EFCAB8: variants seen among roughly 807,000 people sequenced by gnomAD.
The protein encoded by EFCAB8 is EF-hand calcium-binding domain-containing protein 8.
A neutral mutation model predicts 116.3 loss-of-function variants in EFCAB8; 100 were observed. That is an observed-to-expected ratio of 0.86 (90% CI 0.73 to 1.02). The LOEUF (loss-of-function observed/expected upper bound fraction) is 1.02. Ranked by LOEUF, EFCAB8 falls within the 50% of genes least tolerant of loss-of-function variation. EFCAB8 has a pLI of 0.00. For synonymous variants in EFCAB8, 558 were observed against 567.9 expected (o/e 0.98, Z 0.25); for missense variants, 1,320 against 1,416.9 (o/e 0.93, Z 1.10).
In EFCAB8 at chr20:32,911,592, C is replaced by A. The variant is rs371107846; in HGVS notation, c.1670C>A (p.Ala557Asp). The change falls in exon 16 of 27, where the codon GCC becomes GAC. Residue 557 changes from alanine to aspartate, a missense_variant. Transcript: ENST00000400522. ...GGQHVEMTAMALDESERCLLT... is the reference protein window; with the variant it reads ...GGQHVEMTAMDLDESERCLLT... ...CAGCACGTGGAGATGACCGCCATGG[C>A]CCTGGATGAGTCAGAGCGGTGCCTG... 11 of 1,550,840 alleles carry A rather than the reference C, an allele frequency of 7.1e-6. No homozygotes were observed. The African/African-American group carries it at 9.6e-5, about 13-fold the overall frequency.
intron 3 of EFCAB8, among the ~76,000 whole-genome samples, chr20:32,870,358 A>G (rs1184842429): frequency 6.6e-6 from 1 of 152,232 alleles, no homozygotes; most frequent in Non-Finnish European, 1.5e-5. Context: ...ACAGTTCAAT[A>G]TATCCAAACG....
At chr20:32,875,054 C>T (rs1254033836) in intron 3 of EFCAB8, among the ~76,000 whole-genome samples, 6 of 152,092 alleles carry the variant, frequency 3.9e-5, no homozygotes, top group Non-Finnish European at 8.8e-5. Flanking sequence ...TGGCCTGGTT[C>T]TCCTTTTCTT....
rs916565135 is a variant in EFCAB8, at chr20:32,893,278, T to C, written c.863T>C (p.Leu288Pro). The change falls in exon 9 of 27, where the codon CTC becomes CCC. Residue 288 changes from leucine to proline, a missense_variant. Coordinates refer to ENST00000400522, the MANE Select transcript of EFCAB8 (RefSeq NM_001143967.2). ...AGTGGGCTGTTCAACCCCCGTATCCTCCCCAGGGCCTCCAAGTGGGGTAGC... is the reference window on the plus strand; with the variant it reads ...AGTGGGCTGTTCAACCCCCGTATCCCCCCCAGGGCCTCCAAGTGGGGTAGC... ...MTSGLFNPRI[L>P]PRASKWDHWI... 2.6e-6 allele frequency: 4 copies of C among 1,551,756 alleles called. No homozygotes were observed. The highest frequency in any genetic ancestry group is 3.5e-6 in the Non-Finnish European group (4 of 1,146,984).
intron 11 of EFCAB8, among the ~76,000 whole-genome samples, chr20:32,901,235 A>G (rs951662769): frequency 6.6e-5 from 10 of 152,352 alleles, no homozygotes; most frequent in African/African-American, 2.2e-4. Context: ...GGGGTGTCCA[A>G]TCTTTTGGCT....
In EFCAB8 at chr20:32,930,420, C is replaced by T; in HGVS notation, c.2435C>T (p.Pro812Leu). 1 of 1,551,348 alleles carries T rather than the reference C, an allele frequency of 6.4e-7. No homozygotes were observed. Residue 812 changes from proline to leucine, a missense_variant, in exon 21 of 27, where the codon CCT becomes CTT. Pro to Leu is a moderately conservative substitution (Grantham distance 98). Transcript: ENST00000400522. ...VEKIIFLQTR[P>L]RLPHTAALLS... Reference sequence around the variant, plus strand: ...CAGATAATCTTCCTGCAGACCAGGCCTCGCCTGCCGCACACGGCTGCCCTG... The same window carrying T: ...CAGATAATCTTCCTGCAGACCAGGCTTCGCCTGCCGCACACGGCTGCCCTG...
Position 32,918,491 on chromosome 20 carries a change from A to C in EFCAB8, c.2191A>C (p.Asn731His), listed in dbSNP as rs1299473997. ...SLSPESVANT[N>H]LRRSLVSAPP... ...CAGCCCCGAGTCTGTGGCCAATACC[A>C]ACCTGAGGCGGAGCCTGGTGTCGGC... Residue 731 changes from asparagine to histidine, a missense_variant, in exon 19 of 27, where the codon AAC becomes CAC. Transcript: ENST00000400522. 1.3e-6 allele frequency: 2 copies of C among 1,551,714 alleles called. No individual in the cohort carries two copies. The highest frequency in any genetic ancestry group is 4.9e-5 in the East Asian group (2 of 40,910).
At chr20:32,908,183 G>T (rs1246183676) in intron 13 of EFCAB8, 92 bp from the exon 14 acceptor site, 8 of 1,182,350 alleles carry the variant, frequency 6.8e-6, no homozygotes, top group South Asian at 4.4e-5. Flanking sequence ...ATGTGCCCTG[G>T]CCTTGTTCGC....
intron 20 of EFCAB8, among the ~76,000 whole-genome samples, chr20:32,921,153 G>A (rs572455201): frequency 6.6e-6 from 1 of 152,074 alleles, no homozygotes; most frequent in East Asian, 1.9e-4. Context: ...GGGAGGGAGA[G>A]CAGGAGTGGC....
intron 3 of EFCAB8, among the ~76,000 whole-genome samples, 192 bp downstream of exon 3, chr20:32,867,939 C>T (rs1388246357): frequency 1.3e-5 from 2 of 152,006 alleles, no homozygotes; most frequent in African/African-American, 4.8e-5. Flanking sequence ...CATGCTCAAG[C>T]GATCCTCCTG....
rs1328157409 is a variant in EFCAB8 at position 32,896,448 on chromosome 20, T to C, written c.884-6T>C. ...TGATGTGGACCTTGGTTTTTTCCCC[T>C]ATCAGATCACTGGATCAAAGTTTCC... On this transcript the variant is annotated splice_polypyrimidine_tract_variant and splice_region_variant and intron_variant, in intron 9 of 26. Transcript: ENST00000400522. 1 of 718,888 alleles carries C rather than the reference T, an allele frequency of 1.4e-6. No individual in the cohort carries two copies. Among genetic ancestry groups the C allele is most frequent in the East Asian group, 2.7e-5 (1 of 37,298 alleles). 44.5% of individuals were successfully genotyped at this position (718,888 alleles called of 1,614,324 possible). A position where few individuals can be genotyped will look rare whatever the true frequency, so the allele number is the denominator to read the frequency against.
At chr20:32,864,813 A>G (rs964835609) in intron 2 of EFCAB8, among the ~76,000 whole-genome samples, 6 of 152,206 alleles carry the variant, frequency 3.9e-5, no homozygotes, top group African/African-American at 1.4e-4. Flanking sequence ...AAGTTAAGTT[A>G]AACATGCCTT....
chr20:32,899,720 A>G (rs1053692229), intron 11 of EFCAB8, among the ~76,000 whole-genome samples: 14 of 151,994 alleles, frequency 9.2e-5, no homozygotes, highest in African/African-American at 3.4e-4. Context: ...GATTACAGGC[A>G]CGCACCACCA....
chr20:32,889,699 G>A (rs1295798606), intron 7 of EFCAB8, among the ~76,000 whole-genome samples: 1 of 152,070 alleles, frequency 6.6e-6, no homozygotes, highest in Admixed American at 6.6e-5. Flanking sequence ...CCCCTTCACT[G>A]TCACTTAAAT....
chr20:32,953,486 C>T (rs985609235), intron 23 of EFCAB8, among the ~76,000 whole-genome samples: 38 of 152,280 alleles, frequency 2.5e-4, no homozygotes, highest in African/African-American at 9.1e-4. Flanking sequence ...CTTGCCAGCA[C>T]TTGTTATTTT....
intron 9 of EFCAB8, among the ~76,000 whole-genome samples, chr20:32,895,313 A>ATT (rs11353110): frequency 0.042 from 5,389 of 127,648 alleles, 125 homozygotes; most frequent in Middle Eastern, 0.071. Flanking sequence ...TTTATTTAAG[A>ATT]TTTTTTTTTT....
At chr20:32,876,209 A>G (rs965061175) in intron 4 of EFCAB8, among the ~76,000 whole-genome samples, 165 bp downstream of exon 4, 2 of 152,190 alleles carry the variant, frequency 1.3e-5, no homozygotes, top group African/African-American at 4.8e-5. Flanking sequence ...CGTCCCTCCT[A>G]AGACCTGTGT....
At chr20:32,931,057 G>T in intron 21 of EFCAB8, 121 bp from the exon 22 acceptor site, 1 of 806,666 alleles carries the variant, frequency 1.2e-6, no homozygotes, top group Non-Finnish European at 2.0e-6. Context: ...TCTCAGAGAT[G>T]TAAGTAAGAA....
chr20:32,912,769 TTC>T (rs1404848096), intron 16 of EFCAB8, 23 bp from the exon 17 acceptor site: 2 of 718,328 alleles, frequency 2.8e-6, no homozygotes, highest in East Asian at 2.7e-5. Flanking sequence ...AGTTTTCTAG[TTC>T]TGTTTTCTTT....
At chr20:32,902,289 A>G (rs1377017459) in intron 11 of EFCAB8, among the ~76,000 whole-genome samples, 3 of 152,174 alleles carry the variant, frequency 2.0e-5, no homozygotes, top group African/African-American at 7.2e-5. Context: ...TTGAGGCTGC[A>G]TAGGATGGTG....
Sources: allele counts gnomAD v4.1 joint callset (sites outside exome capture counted in the v4.1 genomes callset), GRCh38; gene constraint gnomAD v4.1.1; transcripts MANE v1.5; gene names NCBI Gene and HGNC (gene_info 2026-07-23, HGNC 2026-07-21).